Variants in ZC3H7A observed in about 807,000 individuals in gnomAD.
ZC3H7A encodes the protein zinc finger CCCH-type containing 7A.
In ZC3H7A, 44 loss-of-function variants were observed where a neutral mutation model predicts 125.5. The observed-to-expected ratio is 0.35, with a 90% CI of 0.28 to 0.45. The LOEUF (loss-of-function observed/expected upper bound fraction) is 0.45, where lower values mean the gene tolerates loss of function less well. Among genes scored for constraint, ZC3H7A ranks in the 20% least tolerant of loss-of-function variants. The pLI is 1.00. For synonymous variants in ZC3H7A, 399 were observed against 391.2 expected, an observed-to-expected ratio of 1.02 and a Z score of -0.23; for missense variants, 977 against 1,170.7, an observed-to-expected ratio of 0.83 and a Z score of 2.41.
chr16:11,794,721 C>T (rs2053407091), intron 1 of ZC3H7A, among the ~76,000 whole-genome samples: 1 of 152,214 alleles, frequency 6.6e-6, no homozygotes, highest in Non-Finnish European at 1.5e-5. Context: ...TCACTCTCAC[C>T]ATCCCTGGAG....
rs1366772140 is a variant in ZC3H7A, at chr16:11,779,189, G to A, written c.283C>T (p.Arg95Cys). 1.2e-6 allele frequency: 2 copies of A among 1,603,000 alleles called. No homozygotes were observed. The highest frequency in any genetic ancestry group is 1.7e-5 in the Admixed American group (1 of 59,658). Residue 95 changes from arginine (R) to cysteine (C), a missense_variant, in exon 4 of 23, where the codon CGT (arginine) becomes TGT (cysteine). By Grantham distance (180) the Arg-to-Cys change is radical (BLOSUM62 -3). Around this residue, in one of 3 missense-constraint regions of ZC3H7A, gnomAD observed 199 missense variants for 256.1 expected, o/e 0.78. Coordinates refer to ENST00000355758, the MANE Select transcript of ZC3H7A (RefSeq NM_014153.4). The part of the protein sequence containing the change: ...KEIIEKLYIN[R>C]IACYSNMGFH... ...ACCATATTAGAATAGCAGGCAATAC[G>A]ATTTATATATAGTTTTTCAATTATT...
intron 21 of ZC3H7A, among the ~76,000 whole-genome samples, chr16:11,753,455 T>A (rs1445280642): frequency 6.6e-6 from 1 of 152,162 alleles, no homozygotes; most frequent in African/African-American, 2.4e-5. Context: ...ATTACTTTAT[T>A]TTTTTAGAGA....
chr16:11,774,222 A>G lies in ZC3H7A; in HGVS notation c.903+14T>C. ...TCTGTCTTCAGAAGAAACTTGAGTA[A>G]CACTGAAACTTACCATAACAGTTTC... On this transcript the variant is annotated intron_variant, in intron 9 of 22. Transcript: ENST00000355758. 6.6e-7 allele frequency: 1 copy of G among 1,524,930 alleles called. No individual in the cohort carries two copies. Among genetic ancestry groups the G allele is most frequent in the Middle Eastern group, 1.8e-4 (1 of 5,696 alleles). 94.5% of individuals were successfully genotyped at this position (1,524,930 alleles called of 1,614,324 possible).
At chr16:11,752,563 A>G (rs563992016) in intron 22 of ZC3H7A, 106 bp downstream of exon 22, 14 of 1,399,262 alleles carry the variant, frequency 1.0e-5, no homozygotes, top group Non-Finnish European at 1.4e-5. Context: ...GTCAGAGCAC[A>G]GCAACATTAG....
At position 11,761,909 on chromosome 16, in the gene ZC3H7A, C is replaced by G; in HGVS notation, c.2213+1G>C. On this transcript the variant is annotated splice_donor_variant, in intron 18 of 22. Transcript: ENST00000355758. LOFTEE classifies it high-confidence loss of function. The stretch of plus-strand genomic sequence containing the variant: ...GAATTGTTTCCACACACAATACTTA[C>G]GAATGCCTTGCTTTTGCACTACAAT... 6.2e-7 allele frequency: 1 copy of G among 1,611,776 alleles called. No individual in the cohort carries two copies. Among genetic ancestry groups the G allele is most frequent in the Non-Finnish European group, 8.5e-7 (1 of 1,179,506 alleles).
intron 3 of ZC3H7A, among the ~76,000 whole-genome samples, chr16:11,781,046 G>A (rs6498242): frequency 0.043 from 6,543 of 151,612 alleles, 503 homozygotes; most frequent in African/African-American, 0.15. Flanking sequence ...CACCCTAATA[G>A]AGGAAAGAAA....
chr16:11,782,422 T>A, intron 1 of ZC3H7A, 34 bp from the exon 2 acceptor site: 1 of 1,577,970 alleles, frequency 6.3e-7, no homozygotes. Flanking sequence ...GCACATAAGG[T>A]ACCAGGGTCC....
At chr16:11,772,191 T>C (rs973740072) in intron 9 of ZC3H7A, among the ~76,000 whole-genome samples, 3 of 132,798 alleles carry the variant, frequency 2.3e-5, no homozygotes, top group African/African-American at 1.1e-4. Context: ...TGAGACTCTG[T>C]CTCAAAAAAA....
chr16:11,764,746 A>G (rs1297750367), intron 15 of ZC3H7A, among the ~76,000 whole-genome samples: 3 of 151,802 alleles, frequency 2.0e-5, no homozygotes, highest in Non-Finnish European at 4.4e-5. Flanking sequence ...AAAAAACCAA[A>G]TCACTACATG....
At chr16:11,753,027 CA>C in intron 21 of ZC3H7A, 195 bp from the exon 22 acceptor site, 1 of 564,024 alleles carries the variant, frequency 1.8e-6, no homozygotes, top group South Asian at 2.6e-5. Flanking sequence ...CAAATGCTGC[CA>C]GCTGTCCAGG....
chr16:11,758,362 C>A (rs998059052), intron 20 of ZC3H7A, 69 bp downstream of exon 20: 2 of 1,143,156 alleles, frequency 1.7e-6, no homozygotes, highest in Non-Finnish European at 2.6e-6. Context: ...AGGAAGCTGG[C>A]ATATTTATAG....
At chr16:11,771,031 A>T in intron 9 of ZC3H7A, 44 bp from the exon 10 acceptor site, 1 of 1,560,892 alleles carries the variant, frequency 6.4e-7, no homozygotes, top group Non-Finnish European at 8.7e-7. Flanking sequence ...TGAAGCTGTC[A>T]TGGGTTTGGC....
chr16:11,776,051 C>G (rs146288276), intron 7 of ZC3H7A, among the ~76,000 whole-genome samples: 121 of 152,158 alleles, frequency 8.0e-4, no homozygotes, highest in African/African-American at 2.7e-3. Context: ...GTCCCAGCTA[C>G]TCGGGAGGCT....
At chr16:11,757,109 G>T (rs188586483) in intron 20 of ZC3H7A, among the ~76,000 whole-genome samples, 1 of 152,240 alleles carries the variant, frequency 6.6e-6, no homozygotes, top group Admixed American at 6.5e-5. Flanking sequence ...CTGCCCACTA[G>T]ATGCCTGAGC....
chr16:11,778,436 C>CAAA (rs754842530), intron 4 of ZC3H7A, among the ~76,000 whole-genome samples: 46 of 73,992 alleles, frequency 6.2e-4, no homozygotes, highest in Non-Finnish European at 8.2e-4. Context: ...GACACTGTCT[C>CAAA]AAAAAAAAAA....
At position 11,779,360 on chromosome 16, in the gene ZC3H7A, A is replaced by G; in HGVS notation, c.112T>C (p.Tyr38His). 6.2e-7 allele frequency: 1 copy of G among 1,606,750 alleles called. No individual in the cohort carries two copies. The highest frequency in any genetic ancestry group is 8.5e-7 in the Non-Finnish European group (1 of 1,178,230). The stretch of plus-strand genomic sequence containing the variant: ...AGATTTCTCACGAGAGCACGCAAAT[A>G]TACCTAAAAAAAAGAAAGTTACCAC... ...YPGTQEQYAV[Y>H]LRALVRNLFN... The change falls in exon 4 of 23, where the codon TAT becomes CAT. Residue 38 changes from tyrosine (Y) to histidine (H), a missense_variant. This residue lies in a region of ZC3H7A where 199 missense variants were observed against 256.1 expected (regional missense o/e 0.78). Coordinates refer to ENST00000355758, the MANE Select transcript of ZC3H7A (RefSeq NM_014153.4).
At chr16:11,796,808 A>G (rs2053446251) in intron 1 of ZC3H7A, 1 of 152,036 alleles carries the variant, frequency 6.6e-6, no homozygotes, top group Non-Finnish European at 1.5e-5. Context: ...ATAACCAAAA[A>G]AAAAATTTTT....
In ZC3H7A at chr16:11,770,873, A is replaced by C. The variant is rs1449099807; in HGVS notation, c.1018T>G (p.Ser340Ala). 8 of 1,614,066 alleles carry C rather than the reference A, an allele frequency of 5.0e-6. No individual in the cohort carries two copies. The African/African-American group carries it at 9.3e-5, about 19-fold the overall frequency. Residue 340 changes from serine to alanine, a missense_variant, in exon 10 of 23, where the codon TCC becomes GCC. Transcript: ENST00000355758. The part of the protein sequence containing the change: ...PIGARYAPPP[S>A]FSEFYPPLTS... ...AAAGGTGGATAAAATTCTGAGAAGG[A>C]GGGTGGAGGAGCATACCTCGCACCA...
At chr16:11,775,127 C>A in intron 7 of ZC3H7A, 114 bp from the exon 8 acceptor site, 1 of 1,093,978 alleles carries the variant, frequency 9.1e-7, no homozygotes, top group South Asian at 1.3e-5. Flanking sequence ...AATCCCAGCA[C>A]CTGGGGAGGC....
Sources: gnomAD v4.1 joint callset for allele counts (sites outside exome capture counted in the v4.1 genomes callset) on GRCh38, gnomAD v4.1.1 for gene constraint, gnomAD v4.1.1 regional missense constraint, MANE v1.5 for transcripts, NCBI Gene and HGNC (gene_info 2026-07-23, HGNC 2026-07-21) for gene names.